KIF16B: variants seen among roughly 807,000 people sequenced by gnomAD.
KIF16B encodes kinesin-like protein KIF16B.
Under a neutral mutation model 156.3 loss-of-function variants are expected in KIF16B, and 98 were observed. That is an observed-to-expected ratio of 0.63 (90% CI 0.53 to 0.74). The LOEUF is 0.74. KIF16B is among the 30% of genes least tolerant of loss of function. The pLI, the probability that KIF16B is intolerant of heterozygous loss-of-function variation, is 0.00. For synonymous variants in KIF16B, 564 were observed against 583.7 expected (o/e 0.97, Z 0.49); for missense variants, 1,421 against 1,606.5 (o/e 0.88, Z 1.97).
At chr20:16,531,781 G>T (rs1433360388) in intron 1 of KIF16B, among the ~76,000 whole-genome samples, 3 of 152,062 alleles carry the variant, frequency 2.0e-5, no homozygotes, top group Non-Finnish European at 4.4e-5. Flanking sequence ...CAACCAACTG[G>T]ATCCCAATTC....
At chr20:16,493,911 A>G (rs546953847) in intron 12 of KIF16B, among the ~76,000 whole-genome samples, 1 of 152,330 alleles carries the variant, frequency 6.6e-6, no homozygotes, top group Non-Finnish European at 1.5e-5. Context: ...GCCACGGGAA[A>G]TATTTTTTTC....
intron 25 of KIF16B, among the ~76,000 whole-genome samples, chr20:16,301,766 C>T (rs898999933): frequency 6.6e-6 from 1 of 152,128 alleles, no homozygotes; most frequent in African/African-American, 2.4e-5. Flanking sequence ...TCTCCTGCCT[C>T]AGCCTCCCAA....
Position 16,526,214 on chromosome 20 carries a change from A to AT in KIF16B, c.118-10_118-9insA. On this transcript the variant is annotated splice_polypyrimidine_tract_variant and intron_variant, in intron 2 of 25. Coordinates refer to ENST00000354981, the MANE Select transcript of KIF16B (RefSeq NM_024704.5). ...GTGCCTCCTTCTGGTATCTAGAAAG[A>AT]AATGATTAGAATAATAATGATAATG... 1 of 1,460,194 alleles carries AT rather than the reference A, an allele frequency of 6.8e-7. No individual in the cohort carries two copies. Among genetic ancestry groups the AT allele is most frequent in the Non-Finnish European group, 9.5e-7 (1 of 1,054,492 alleles). The allele number at this position is 1,460,194 out of a possible 1,614,324, so 90.5% of individuals were successfully genotyped here. A position where few individuals can be genotyped will look rare whatever the true frequency, so the allele number is the denominator to read the frequency against.
intron 1 of KIF16B, among the ~76,000 whole-genome samples, chr20:16,569,722 C>G (rs2071388859): frequency 6.6e-6 from 1 of 152,182 alleles, no homozygotes; most frequent in Non-Finnish European, 1.5e-5. Flanking sequence ...TCCTTCAATC[C>G]TCCTCACAAC....
At chr20:16,350,655 C>A (rs376334401) in intron 23 of KIF16B, among the ~76,000 whole-genome samples, 2 of 151,198 alleles carry the variant, frequency 1.3e-5, no homozygotes, top group African/African-American at 4.9e-5. Flanking sequence ...AGCCACATCA[C>A]GAGGATGAGC....
At chr20:16,538,715 A>G (rs2070075999) in intron 1 of KIF16B, among the ~76,000 whole-genome samples, 1 of 152,224 alleles carries the variant, frequency 6.6e-6, no homozygotes, top group Non-Finnish European at 1.5e-5. Flanking sequence ...AATCCTATTG[A>G]CATAGTTTCT....
chr20:16,452,886 A>C (rs1456660927), intron 12 of KIF16B, among the ~76,000 whole-genome samples: 3 of 152,022 alleles, frequency 2.0e-5, no homozygotes, highest in Non-Finnish European at 4.4e-5. Context: ...AGGAAGGATG[A>C]AAAACGAAGA....
intron 17 of KIF16B, among the ~76,000 whole-genome samples, chr20:16,402,080 T>C (rs6111093): frequency 6.6e-6 from 1 of 151,778 alleles, no homozygotes; most frequent in Non-Finnish European, 1.5e-5. Flanking sequence ...GCTTACTATA[T>C]CCCATCTACT....
At chr20:16,424,777 G>A (rs191775296) in intron 15 of KIF16B, among the ~76,000 whole-genome samples, 1 of 152,138 alleles carries the variant, frequency 6.6e-6, no homozygotes, top group East Asian at 1.9e-4. Context: ...AAGAAGAGGA[G>A]GGTCCCAGTG....
intron 4 of KIF16B, among the ~76,000 whole-genome samples, chr20:16,514,819 G>C (rs1256181723): frequency 1.4e-5 from 2 of 139,846 alleles, no homozygotes; most frequent in African/African-American, 5.4e-5. Flanking sequence ...CCAGGAGGCA[G>C]AGCTTGCAGC....
intron 3 of KIF16B, among the ~76,000 whole-genome samples, chr20:16,522,540 A>T (rs545176746): frequency 2.3e-4 from 35 of 152,310 alleles, no homozygotes; most frequent in African/African-American, 7.9e-4. Flanking sequence ...GAGACCTACA[A>T]AGAGACTTAG....
At chr20:16,507,884 C>A (rs1422226212) in intron 7 of KIF16B, 74 bp downstream of exon 7, 1 of 1,483,194 alleles carries the variant, frequency 6.7e-7, no homozygotes, top group African/African-American at 1.4e-5. Flanking sequence ...CAACAATGAT[C>A]AGTCCTCAGC....
intron 15 of KIF16B, among the ~76,000 whole-genome samples, chr20:16,421,311 GT>G (rs775189843): frequency 6.6e-6 from 1 of 152,060 alleles, no homozygotes; most frequent in African/African-American, 2.4e-5. Context: ...TTCATATGCT[GT>G]TTTTTTCCTT....
intron 12 of KIF16B, among the ~76,000 whole-genome samples, chr20:16,492,046 C>G (rs552236678): frequency 3.0e-4 from 46 of 152,314 alleles, no homozygotes; most frequent in Admixed American, 2.4e-3. Flanking sequence ...TGTACAGCCA[C>G]TCCTCAGGAT....
chr20:16,398,695 G>T (rs2065574548), intron 17 of KIF16B, among the ~76,000 whole-genome samples: 1 of 152,174 alleles, frequency 6.6e-6, no homozygotes, highest in Non-Finnish European at 1.5e-5. Context: ...CTGAAGGTGG[G>T]GGCAACAAGA....
intron 25 of KIF16B, among the ~76,000 whole-genome samples, chr20:16,284,853 C>T (rs572329831): frequency 2.2e-4 from 34 of 152,310 alleles, no homozygotes; most frequent in South Asian, 1.5e-3. Flanking sequence ...AGAGGGACCA[C>T]GCATGCACAC....
At chr20:16,301,796 T>TGA (rs1568830795) in intron 25 of KIF16B, among the ~76,000 whole-genome samples, 3 of 152,036 alleles carry the variant, frequency 2.0e-5, no homozygotes, top group African/African-American at 4.8e-5. Flanking sequence ...ATTACAGGCA[T>TGA]GCACCACTAC....
At chr20:16,451,740 A>T (rs2067087039) in intron 12 of KIF16B, among the ~76,000 whole-genome samples, 1 of 152,052 alleles carries the variant, frequency 6.6e-6, no homozygotes, top group Non-Finnish European at 1.5e-5. Context: ...CACGCTAAAG[A>T]TTCCTGGTAT....
At chr20:16,377,577 T>C (rs1431657611) in intron 19 of KIF16B, among the ~76,000 whole-genome samples, 2 of 151,558 alleles carry the variant, frequency 1.3e-5, no homozygotes, top group African/African-American at 4.8e-5. Context: ...AGCAAGACCC[T>C]GTGATCTCAT....
Sources: gnomAD v4.1 joint callset for allele counts (sites outside exome capture counted in the v4.1 genomes callset) on GRCh38, gnomAD v4.1.1 for gene constraint, MANE v1.5 for transcripts, NCBI Gene and HGNC (gene_info 2026-07-23, HGNC 2026-07-21) for gene names.